METTL15: variants seen among roughly 807,000 people sequenced by gnomAD.
The protein encoded by METTL15 is 12S rRNA N(4)-cytidine methyltransferase METTL15.
A neutral mutation model predicts 38.3 loss-of-function variants in METTL15; 34 were observed. The observed-to-expected ratio is 0.89, with a 90% confidence interval of 0.68 to 1.18. METTL15 has a LOEUF of 1.18. Among genes scored for constraint, METTL15 ranks in the 50% most tolerant of loss-of-function variants. The pLI, the probability that METTL15 is intolerant of heterozygous loss-of-function variation, is 0.00. For synonymous variants in METTL15, 162 were observed against 170.9 expected (o/e 0.95, Z 0.41); for missense variants, 438 against 498.4 (o/e 0.88, Z 1.15).
intron 3 of METTL15, among the ~76,000 whole-genome samples, chr11:28,164,886 G>C (rs566067582): frequency 1.3e-5 from 2 of 151,906 alleles, no homozygotes; most frequent in Non-Finnish European, 2.9e-5. Context: ...GGTAACCACT[G>C]TTCTACTCTC....
chr11:28,368,152 C>CAAAAAAAAAA (rs572862749), intron 5 of METTL15, among the ~76,000 whole-genome samples: 8 of 108,696 alleles, frequency 7.4e-5, no homozygotes, highest in East Asian at 5.3e-4. Flanking sequence ...ACAAAAAAAA[C>CAAAAAAAAAA]AAAAAAAAAA....
intron 6 of METTL15, among the ~76,000 whole-genome samples, chr11:28,433,560 G>A (rs183376988): frequency 5.9e-5 from 9 of 152,148 alleles, no homozygotes; most frequent in African/African-American, 1.2e-4. Context: ...ATTAATGAAC[G>A]CAAATTTCTT....
intron 3 of METTL15, among the ~76,000 whole-genome samples, chr11:28,191,747 T>C (rs1258166344): frequency 1.3e-5 from 2 of 151,496 alleles, no homozygotes; most frequent in Admixed American, 6.6e-5. Flanking sequence ...AAAGGCAAAG[T>C]TGATTTATTT....
intron 3 of METTL15, among the ~76,000 whole-genome samples, chr11:28,157,717 G>T (rs1590830793): frequency 6.6e-6 from 1 of 152,084 alleles, no homozygotes; most frequent in Non-Finnish European, 1.5e-5. Flanking sequence ...GGCTCGAGCA[G>T]GTCCTGAAGG....
chr11:28,202,932 C>T (rs1852169172), intron 3 of METTL15, among the ~76,000 whole-genome samples: 1 of 151,754 alleles, frequency 6.6e-6, no homozygotes, highest in African/African-American at 2.4e-5. Flanking sequence ...TCATTTTCGA[C>T]AGTGTTGTTA....
intron 3 of METTL15, among the ~76,000 whole-genome samples, chr11:28,201,811 T>C (rs900826502): frequency 6.6e-6 from 1 of 152,088 alleles, no homozygotes; most frequent in Non-Finnish European, 1.5e-5. Context: ...GCTGTCCTCA[T>C]TGTTTGAGAA....
At chr11:28,312,156 T>C (rs975656348) in intron 6 of METTL15, among the ~76,000 whole-genome samples, 1 of 152,226 alleles carries the variant, frequency 6.6e-6, no homozygotes, top group Admixed American at 6.5e-5. Context: ...CCAGGTGACA[T>C]GTTAGACCTC....
chr11:28,251,938 A>C (rs1854762602), intron 4 of METTL15, among the ~76,000 whole-genome samples: 1 of 152,088 alleles, frequency 6.6e-6, no homozygotes, highest in Admixed American at 6.6e-5. Flanking sequence ...TTACTGGGCA[A>C]AACTGTCACA....
intron 5 of METTL15, among the ~76,000 whole-genome samples, chr11:28,386,170 A>T (rs1351163743): frequency 1.3e-5 from 2 of 152,082 alleles, no homozygotes; most frequent in Non-Finnish European, 2.9e-5. Flanking sequence ...AACAAAACAC[A>T]AAGAAAGGCA....
At chr11:28,498,046 T>C (rs1590394852) in intron 6 of METTL15, among the ~76,000 whole-genome samples, 2 of 35,340 alleles carry the variant, frequency 5.7e-5, no homozygotes, top group Non-Finnish European at 1.1e-4. Context: ...AGAGAGAGAC[T>C]GTTTCAAAAA....
At position 28,233,375 on chromosome 11, in the gene METTL15, A is replaced by G. The variant is rs538509230; in HGVS notation, c.407+22177A>G. ...TGTTTAAAGTAATTTTCTTGTATAA[A>G]TGATTACATTTTTTTGTTTATGTAA... is the stretch of plus-strand genomic sequence containing the variant. On this transcript the variant is annotated intron_variant, in intron 4 of 6. Coordinates refer to ENST00000407364, the MANE Select transcript of METTL15 (RefSeq NM_001113528.2). Among the ~76,000 whole-genome samples the G allele has an allele frequency of 3.3e-5, 5 of 152,230 alleles. No homozygotes were observed. The South Asian group carries it at 1.0e-3, about 32-fold the overall frequency.
chr11:28,248,212 C>T (rs1207848128), intron 4 of METTL15, among the ~76,000 whole-genome samples: 2 of 152,074 alleles, frequency 1.3e-5, no homozygotes, highest in South Asian at 4.1e-4. Context: ...GCCTCTTATG[C>T]AGTATTCCTG....
intron 6 of METTL15, among the ~76,000 whole-genome samples, chr11:28,517,499 C>T (rs1238874670): frequency 1.3e-5 from 2 of 152,148 alleles, no homozygotes; most frequent in Admixed American, 6.5e-5. Context: ...CACCCTGGAG[C>T]TCTGGATGAC....
chr11:28,260,616 C>T (rs182722887), intron 4 of METTL15, among the ~76,000 whole-genome samples: 1 of 152,214 alleles, frequency 6.6e-6, no homozygotes, highest in East Asian at 1.9e-4. Context: ...GAGCTACTAC[C>T]CCCAGTCTCT....
At chr11:28,439,093 AG>A (rs2133438886) in intron 6 of METTL15, among the ~76,000 whole-genome samples, 1 of 151,908 alleles carries the variant, frequency 6.6e-6, no homozygotes, top group East Asian at 1.9e-4. Flanking sequence ...GAAAAGTGGA[AG>A]CTGTTACCCT....
intron 5 of METTL15, among the ~76,000 whole-genome samples, chr11:28,364,903 A>C (rs1261372385): frequency 6.6e-6 from 1 of 152,212 alleles, no homozygotes; most frequent in African/African-American, 2.4e-5. Flanking sequence ...CTGGATTTTA[A>C]AGAAGACTTT....
intron 6 of METTL15, among the ~76,000 whole-genome samples, chr11:28,303,396 C>G (rs1005098161): frequency 1.3e-5 from 2 of 152,032 alleles, no homozygotes; most frequent in Admixed American, 6.6e-5. Context: ...AGTCTCAGAG[C>G]TCATGTTAAA....
intron 5 of METTL15, among the ~76,000 whole-genome samples, 179 bp downstream of exon 5, chr11:28,290,576 G>A (rs75487350): frequency 0.019 from 2,930 of 151,966 alleles, 72 homozygotes; most frequent in South Asian, 0.12. Flanking sequence ...TCTGGATTTG[G>A]GATTTTTAAA....
rs186824138 is a variant in METTL15, at chr11:28,160,257, G to A, written c.270+46653G>A. The stretch of plus-strand genomic sequence containing the variant: ...TTAGTTATTGGATATTATTCCATTC[G>A]TTATTGGAATATATATATTCCATTA... On this transcript the variant is annotated intron_variant, in intron 3 of 6. Transcript: ENST00000407364. Among the ~76,000 whole-genome samples, 10 of 151,588 alleles carry A rather than the reference G, an allele frequency of 6.6e-5. No homozygotes were observed. The East Asian group carries it at 1.4e-3, about 21-fold the overall frequency.
Sources: gnomAD v4.1 joint callset for allele counts (sites outside exome capture counted in the v4.1 genomes callset) on GRCh38, gnomAD v4.1.1 for gene constraint, MANE v1.5 for transcripts, NCBI Gene and HGNC (gene_info 2026-07-23, HGNC 2026-07-21) for gene names.